Variants in HMGA2 observed in about 807,000 individuals in gnomAD.
HMGA2 encodes high mobility group AT-hook 2, also known as high mobility group protein HMGI-C.
Under a neutral mutation model 19.1 loss-of-function variants are expected in HMGA2, and 8 were observed. That is an observed-to-expected ratio of 0.42 (90% CI 0.25 to 0.76). The LOEUF is 0.76. HMGA2 is among the 30% of genes least tolerant of loss of function. The pLI is 0.28. For missense variants in HMGA2, 109 were observed against 136.3 expected (o/e 0.80, Z 1.00); for synonymous variants, 60 against 48.8 (o/e 1.23, Z -0.96).
intron 3 of HMGA2, among the ~76,000 whole-genome samples, chr12:65,891,773 T>A (rs1447407124): frequency 6.6e-6 from 1 of 152,182 alleles, no homozygotes; most frequent in Admixed American, 6.5e-5. Flanking sequence ...GCAAGTGACT[T>A]ATCTAATAAC....
At chr12:65,899,770 C>T (rs940497731) in intron 3 of HMGA2, among the ~76,000 whole-genome samples, 2 of 152,184 alleles carry the variant, frequency 1.3e-5, no homozygotes, top group African/African-American at 4.8e-5. Flanking sequence ...TCTTTTATCT[C>T]TGGATAGTTT....
chr12:65,868,029 C>A (rs887382533), intron 3 of HMGA2, among the ~76,000 whole-genome samples: 1 of 152,094 alleles, frequency 6.6e-6, no homozygotes, highest in East Asian at 1.9e-4. Context: ...TTCTGATGTT[C>A]ACCCTCCTTT....
chr12:65,965,637 C>T lies in HMGA2; in HGVS notation c.*2345C>T, dbSNP rs1876886617. 1 of 220,260 alleles carries T rather than the reference C, an allele frequency of 4.5e-6. No individual in the cohort carries two copies. The highest frequency in any genetic ancestry group is 9.1e-6 in the Non-Finnish European group (1 of 109,556). The allele number at this position is 220,260 out of a possible 1,614,324, so 13.6% of individuals were successfully genotyped here. On this transcript the variant is annotated 3_prime_UTR_variant, in exon 5 of 5. Coordinates refer to ENST00000403681, the MANE Select transcript of HMGA2 (RefSeq NM_003483.6). ...TTAAATAAGCAAATAAACAGTGGCT[C>T]ATAAAAATAAAAGTCGCATTCCATA...
In HMGA2 at chr12:65,966,135, A is replaced by C; in HGVS notation, c.*2843A>C. 1 of 210,300 alleles carries C rather than the reference A, an allele frequency of 4.8e-6. No individual in the cohort carries two copies. Among genetic ancestry groups the C allele is most frequent in the Non-Finnish European group, 9.7e-6 (1 of 103,192 alleles). The allele number at this position is 210,300 out of a possible 1,614,324, so 13.0% of individuals were successfully genotyped here. ...ATGTAGAATTGCTGTCTATGATTGT[A>C]CTTTGAATCGCTTGCTTGTTGAAAA... is the stretch of plus-strand genomic sequence containing the variant. On this transcript the variant is annotated 3_prime_UTR_variant, in exon 5 of 5. Coordinates refer to ENST00000403681, the MANE Select transcript of HMGA2 (RefSeq NM_003483.6).
chr12:65,872,503 C>T (rs1040103269), intron 3 of HMGA2, among the ~76,000 whole-genome samples: 6 of 152,146 alleles, frequency 3.9e-5, no homozygotes, highest in South Asian at 2.1e-4. Context: ...TGACTGTATT[C>T]GTAGCTTATC....
At chr12:65,874,268 T>C (rs1872859015) in intron 3 of HMGA2, 1 of 150,786 alleles carries the variant, frequency 6.6e-6, no homozygotes, top group South Asian at 2.1e-4. Flanking sequence ...ATAATAAAGC[T>C]ATATAAATAA....
chr12:65,940,288 T>C (rs1876049036), intron 3 of HMGA2, among the ~76,000 whole-genome samples: 1 of 152,198 alleles, frequency 6.6e-6, no homozygotes, highest in African/African-American at 2.4e-5. Flanking sequence ...GGATTTCTAC[T>C]TTTATAGAAA....
chr12:65,827,653 A>G (rs545272992), intron 1 of HMGA2, among the ~76,000 whole-genome samples: 2 of 152,350 alleles, frequency 1.3e-5, no homozygotes, highest in African/African-American at 4.8e-5. Context: ...TAAAATGCCT[A>G]TTATTCCTAT....
intron 3 of HMGA2, chr12:65,915,159 C>G: frequency 6.2e-7 from 1 of 1,612,842 alleles, no homozygotes; most frequent in Non-Finnish European, 8.5e-7. Flanking sequence ...CAGGATAGCT[C>G]TTCATGTTAT....
intron 3 of HMGA2, among the ~76,000 whole-genome samples, chr12:65,913,087 T>A (rs1344454402): frequency 6.6e-6 from 1 of 152,222 alleles, no homozygotes; most frequent in Non-Finnish European, 1.5e-5. Context: ...CACTAGACGT[T>A]ATTAAAACAA....
At chr12:65,921,077 T>G (rs1305878414) in intron 3 of HMGA2, among the ~76,000 whole-genome samples, 1 of 152,216 alleles carries the variant, frequency 6.6e-6, no homozygotes, top group African/African-American at 2.4e-5. Flanking sequence ...TGTTGGGAAC[T>G]GGCACAAAGG....
In HMGA2 at chr12:65,945,776, A is replaced by G. The variant is rs538771878; in HGVS notation, c.250-5607A>G. The stretch of plus-strand genomic sequence containing the variant: ...TTCAATATTTTGGAACATTTTTTCT[A>G]TAAATAACCGGTCAATTTTGTCTAG... On this transcript the variant is annotated intron_variant, in intron 3 of 4. Coordinates refer to ENST00000403681, the MANE Select transcript of HMGA2 (RefSeq NM_003483.6). Among the ~76,000 whole-genome samples, 16 of 152,310 alleles carry G rather than the reference A, an allele frequency of 1.1e-4. No homozygotes were observed. The South Asian group carries it at 1.7e-3, about 16-fold the overall frequency.
chr12:65,826,252 G>A (rs1293125726), intron 1 of HMGA2: 3 of 152,362 alleles, frequency 2.0e-5, no homozygotes, highest in Admixed American at 6.5e-5. Flanking sequence ...GACGATCGAG[G>A]GGCGCCCGGG....
chr12:65,924,450 T>TACAC (rs141184393), intron 3 of HMGA2, among the ~76,000 whole-genome samples: 3 of 150,382 alleles, frequency 2.0e-5, no homozygotes, highest in African/African-American at 4.9e-5. Flanking sequence ...AAGACCTCCC[T>TACAC]ACACACACAC....
rs1300874320 is a variant in HMGA2 at position 65,903,016 on chromosome 12, A to G, written c.250-48367A>G. On this transcript the variant is annotated intron_variant, in intron 3 of 4. Coordinates refer to ENST00000403681, the MANE Select transcript of HMGA2 (RefSeq NM_003483.6). ...AGTAGGATCTAAAAGAAGAAAGAGAATACATTATTCGTATATATTGGTCTA... is the reference window on the plus strand; with the variant it reads ...AGTAGGATCTAAAAGAAGAAAGAGAGTACATTATTCGTATATATTGGTCTA... 3.9e-5 allele frequency among the ~76,000 whole-genome samples: 6 copies of G among 152,298 alleles called. No homozygotes were observed. The South Asian group carries it at 1.0e-3, about 26-fold the overall frequency.
intron 3 of HMGA2, among the ~76,000 whole-genome samples, chr12:65,865,590 G>A (rs1046669090): frequency 2.6e-5 from 4 of 151,740 alleles, no homozygotes; most frequent in African/African-American, 9.7e-5. Flanking sequence ...GTGTCAAGAT[G>A]GGAAGGCATA....
chr12:65,931,838 A>G (rs751273600), intron 3 of HMGA2, among the ~76,000 whole-genome samples: 7 of 152,150 alleles, frequency 4.6e-5, no homozygotes, highest in Non-Finnish European at 7.4e-5. Flanking sequence ...ACTTAAGCCT[A>G]GGAGTTCGAG....
Position 65,963,488 on chromosome 12 carries a change from T to C in HMGA2, c.*196T>C, listed in dbSNP as rs1183283374. The C allele has an allele frequency of 1.7e-6, 1 of 599,646 alleles. No homozygotes were observed. The highest frequency in any genetic ancestry group is 2.9e-5 in the Admixed American group (1 of 34,716). 37.1% of individuals were successfully genotyped at this position (599,646 alleles called of 1,614,324 possible). A position where few individuals can be genotyped will look rare whatever the true frequency, so the allele number is the denominator to read the frequency against. Reference sequence around the variant, plus strand: ...AAAAAGGACTATATTAATCACCTTCTTTGTAATCCCTTCACAGTCCCAGGT... The same window carrying C: ...AAAAAGGACTATATTAATCACCTTCCTTGTAATCCCTTCACAGTCCCAGGT... On this transcript the variant is annotated 3_prime_UTR_variant, in exon 5 of 5. Transcript: ENST00000403681.
At chr12:65,943,711 T>C (rs1347819857) in intron 3 of HMGA2, among the ~76,000 whole-genome samples, 5 of 152,170 alleles carry the variant, frequency 3.3e-5, no homozygotes, top group African/African-American at 4.8e-5. Flanking sequence ...TAGGAGACTT[T>C]GTACAGAGAA....
Sources: allele counts gnomAD v4.1 joint callset (sites outside exome capture counted in the v4.1 genomes callset), GRCh38; gene constraint gnomAD v4.1.1; transcripts MANE v1.5; gene names NCBI Gene and HGNC (gene_info 2026-07-23, HGNC 2026-07-21).